EEA1: variants seen among roughly 807,000 people sequenced by gnomAD.
EEA1 encodes the protein early endosome antigen 1, 162kD.
EEA1 carries 111 observed loss-of-function variants against 209.2 expected under a neutral mutation model. The observed-to-expected ratio is 0.53, with a 90% confidence interval of 0.45 to 0.62. The LOEUF (loss-of-function observed/expected upper bound fraction) is 0.62. Ranked by LOEUF, EEA1 falls within the 20% of genes least tolerant of loss-of-function variation. EEA1 has a pLI of 0.00. For missense variants in EEA1, 1,343 were observed against 1,530.8 expected, an observed-to-expected ratio of 0.88 and a Z score of 2.05; for synonymous variants, 536 against 540.6, an observed-to-expected ratio of 0.99 and a Z score of 0.12.
chr12:92,880,187 G>A (rs974177697), intron 2 of EEA1, among the ~76,000 whole-genome samples: 1 of 152,184 alleles, frequency 6.6e-6, no homozygotes, highest in Non-Finnish European at 1.5e-5. Flanking sequence ...CCATAACCTG[G>A]GGCAAAATCC....
At chr12:92,923,381 C>T (rs1490842140) in intron 1 of EEA1, among the ~76,000 whole-genome samples, 1 of 152,112 alleles carries the variant, frequency 6.6e-6, no homozygotes, top group African/African-American at 2.4e-5. Context: ...TGGCTCCTTA[C>T]TGTCTACAGT....
At position 92,852,310 on chromosome 12, in the gene EEA1, G is replaced by A. The variant is rs747029873; in HGVS notation, c.521-14C>T. 1 of 1,518,646 alleles carries A rather than the reference G, an allele frequency of 6.6e-7. No individual in the cohort carries two copies. Among genetic ancestry groups the A allele is most frequent in the Non-Finnish European group, 8.8e-7 (1 of 1,134,570 alleles). 94.1% of individuals were successfully genotyped at this position (1,518,646 alleles called of 1,614,324 possible). ...TTGACTTTATATCTAATTAAAGATA[G>A]TTATATAAATATTAGTTTAAGGGGA... On this transcript the variant is annotated splice_polypyrimidine_tract_variant and intron_variant, in intron 7 of 28. Transcript: ENST00000322349.
chr12:92,798,973 A>C lies in EEA1; in HGVS notation c.2886T>G (p.Asn962Lys), dbSNP rs2136664423. 6.2e-7 allele frequency: 1 copy of C among 1,613,088 alleles called. No individual in the cohort carries two copies. Among genetic ancestry groups the C allele is most frequent in the East Asian group, 2.2e-5 (1 of 44,686 alleles). ...TCTGTTCACTTGATTGCTTTAGCTC[A>C]TTTATGTTCCCCTGAAGTTGTTGCT... ...KEEQQLQGNI[N>K]ELKQSSEQKK... The change falls in exon 21 of 29, where the codon AAT becomes AAG. Residue 962 changes from asparagine (N) to lysine (K), a missense_variant. Coordinates refer to ENST00000322349, the MANE Select transcript of EEA1 (RefSeq NM_003566.4).
rs763512251 is a variant in EEA1, at chr12:92,852,235, T to C, written c.582A>G (p.Thr194=). Residue 194 remains threonine, a synonymous_variant, in exon 8 of 29, where the codon ACA becomes ACG. Coordinates refer to ENST00000322349, the MANE Select transcript of EEA1 (RefSeq NM_003566.4). ...CTTTGTTTAATTCTTCTGTCAGACG[T>C]GTCACTTTTTGTTCAGCAGCTTCTC... ...SLREAAEQKV[T]RLTEELNKEA... is the part of the protein sequence containing the mutation. 2 of 1,602,814 alleles carry C rather than the reference T, an allele frequency of 1.2e-6. No homozygotes were observed. The highest frequency in any genetic ancestry group is 1.7e-6 in the Non-Finnish European group (2 of 1,174,786).
At chr12:92,911,948 A>C (rs982235569) in intron 1 of EEA1, among the ~76,000 whole-genome samples, 2 of 152,232 alleles carry the variant, frequency 1.3e-5, no homozygotes, top group Non-Finnish European at 2.9e-5. Flanking sequence ...AAAAACAATT[A>C]AGTCTTTATC....
chr12:92,826,464 C>A (rs149342774), intron 12 of EEA1, among the ~76,000 whole-genome samples, 179 bp from the exon 13 acceptor site: 2,821 of 151,980 alleles, frequency 0.019, 96 homozygotes, highest in African/African-American at 0.063. Context: ...AATCCCAGCA[C>A]TTTGGGAGGC....
intron 21 of EEA1, among the ~76,000 whole-genome samples, chr12:92,796,592 A>T (rs905281545): frequency 2.6e-5 from 4 of 152,078 alleles, no homozygotes; most frequent in Non-Finnish European, 5.9e-5. Flanking sequence ...TCTAGACATA[A>T]TGTGTGTATA....
At chr12:92,855,192 G>A (rs1877815754) in intron 5 of EEA1, among the ~76,000 whole-genome samples, 1 of 152,208 alleles carries the variant, frequency 6.6e-6, no homozygotes, top group Non-Finnish European at 1.5e-5. Flanking sequence ...CACTTTGGGA[G>A]GCCGAGACGG....
chr12:92,872,195 T>C (rs1878685719), intron 2 of EEA1, among the ~76,000 whole-genome samples: 1 of 152,036 alleles, frequency 6.6e-6, no homozygotes, highest in Non-Finnish European at 1.5e-5. Flanking sequence ...ACTACAGGCA[T>C]GTGCCACCAC....
At chr12:92,882,112 C>A (rs901201043) in intron 2 of EEA1, among the ~76,000 whole-genome samples, 1 of 147,718 alleles carries the variant, frequency 6.8e-6, no homozygotes, top group African/African-American at 2.5e-5. Context: ...TATGATTTTT[C>A]TTTTTTTTTT....
At chr12:92,843,891 C>A (rs1440078946) in intron 9 of EEA1, among the ~76,000 whole-genome samples, 1 of 152,084 alleles carries the variant, frequency 6.6e-6, no homozygotes, top group East Asian at 1.9e-4. Context: ...CTTATCACGG[C>A]AACAATGCTA....
intron 6 of EEA1, among the ~76,000 whole-genome samples, chr12:92,853,452 T>C (rs11106716): frequency 1.3e-3 from 204 of 152,262 alleles, no homozygotes; most frequent in African/African-American, 4.8e-3. Flanking sequence ...GTGTTGGGAT[T>C]ATAGGCATGA....
intron 18 of EEA1, among the ~76,000 whole-genome samples, chr12:92,806,813 C>A (rs1875227390): frequency 1.3e-5 from 2 of 152,056 alleles, no homozygotes; most frequent in African/African-American, 4.8e-5. Flanking sequence ...GTTGGTTTAA[C>A]AGTAAATCAA....
intron 9 of EEA1, among the ~76,000 whole-genome samples, chr12:92,848,231 G>GA (rs35943334): frequency 0.07 from 9,454 of 135,648 alleles, 321 homozygotes; most frequent in Middle Eastern, 0.13. Context: ...ACCTTTTCTA[G>GA]AAAAAAAAAA....
intron 25 of EEA1, 147 bp from the exon 26 acceptor site, chr12:92,778,326 G>A (rs1260500225): frequency 1.5e-6 from 1 of 651,620 alleles, no homozygotes; most frequent in African/African-American, 1.8e-5. Context: ...TAATAAAACT[G>A]ATTCCACAAG....
Position 92,922,520 on chromosome 12 carries a change from G to A in EEA1, c.24+6523C>T, listed in dbSNP as rs527894313. ...TCCAATATGCAACGATTTTAAGAAC[G>A]ACAACAACTTTCTAGCTGATCTCTC... On this transcript the variant is annotated intron_variant, in intron 1 of 28. Coordinates refer to ENST00000322349, the MANE Select transcript of EEA1 (RefSeq NM_003566.4). Among the ~76,000 whole-genome samples the A allele has an allele frequency of 4.3e-4, 65 of 152,224 alleles. 1 individual carries two copies. In the South Asian group the frequency reaches 0.013, roughly 31 times the overall value.
At chr12:92,799,660 G>A (rs1388465993) in intron 20 of EEA1, among the ~76,000 whole-genome samples, 3 of 151,844 alleles carry the variant, frequency 2.0e-5, no homozygotes, top group Non-Finnish European at 2.9e-5. Flanking sequence ...GGTGGCAGGT[G>A]CCTGTAGTCC....
intron 1 of EEA1, among the ~76,000 whole-genome samples, chr12:92,911,507 AAC>A (rs1173211155): frequency 6.6e-6 from 1 of 152,218 alleles, no homozygotes; most frequent in Non-Finnish European, 1.5e-5. Context: ...GAATAGGCAA[AAC>A]ACAGTGGATT....
intron 2 of EEA1, among the ~76,000 whole-genome samples, chr12:92,874,651 CCA>C (rs1226155180): frequency 5.3e-5 from 8 of 152,254 alleles, no homozygotes; most frequent in Non-Finnish European, 1.2e-4. Flanking sequence ...CAGGCGTGAG[CCA>C]CAGTGCCCAG....
Sources: gnomAD v4.1 joint callset for allele counts (sites outside exome capture counted in the v4.1 genomes callset) on GRCh38, gnomAD v4.1.1 for gene constraint, MANE v1.5 for transcripts, NCBI Gene and HGNC (gene_info 2026-07-23, HGNC 2026-07-21) for gene names.